The following ITFG1 variants were observed in gnomAD, a reference collection of about 807,000 sequenced individuals.
ITFG1 encodes the protein T-cell immunomodulatory protein.
A neutral mutation model predicts 81.8 loss-of-function variants in ITFG1; 34 were observed. That is an observed-to-expected ratio of 0.42 (90% confidence interval 0.32 to 0.55). The LOEUF is 0.55. Ranked by LOEUF, ITFG1 falls within the 20% of genes least tolerant of loss-of-function variation. The pLI, the probability that ITFG1 is intolerant of heterozygous loss-of-function variation, is 0.17. For missense variants in ITFG1, 672 were observed against 755.4 expected (o/e 0.89, Z 1.29); for synonymous variants, 285 against 270.6 (o/e 1.05, Z -0.52).
intron 13 of ITFG1, among the ~76,000 whole-genome samples, chr16:47,232,360 C>CT: frequency 6.6e-6 from 1 of 152,180 alleles, no homozygotes; most frequent in South Asian, 2.1e-4. Context: ...GGATTATTTT[C>CT]TTTTTTGAAG....
At chr16:47,424,618 T>G (rs1427179740) in intron 6 of ITFG1, among the ~76,000 whole-genome samples, 1 of 152,184 alleles carries the variant, frequency 6.6e-6, no homozygotes, top group African/African-American at 2.4e-5. Flanking sequence ...TGGGTTTTGG[T>G]GTGGATGTCC....
intron 10 of ITFG1, among the ~76,000 whole-genome samples, chr16:47,309,118 G>A (rs895772829): frequency 1.3e-5 from 2 of 150,424 alleles, no homozygotes; most frequent in Admixed American, 6.6e-5. Flanking sequence ...GCCCAGGCTG[G>A]AGTGCAATGC....
intron 14 of ITFG1, among the ~76,000 whole-genome samples, chr16:47,195,510 A>G (rs1020104982): frequency 6.6e-6 from 1 of 152,204 alleles, no homozygotes; most frequent in Non-Finnish European, 1.5e-5. Flanking sequence ...TTTTAGCTCA[A>G]TTAAGAATAA....
intron 10 of ITFG1, among the ~76,000 whole-genome samples, chr16:47,274,590 T>A (rs922918594): frequency 6.6e-6 from 1 of 152,178 alleles, no homozygotes; most frequent in Non-Finnish European, 1.5e-5. Context: ...AGTGACCCAA[T>A]TGAAGATTTA....
chr16:47,210,495 G>T (rs1335291827), intron 14 of ITFG1, among the ~76,000 whole-genome samples: 1 of 152,096 alleles, frequency 6.6e-6, no homozygotes, highest in Non-Finnish European at 1.5e-5. Flanking sequence ...TCTTATCAGG[G>T]TCTTTCACAG....
At chr16:47,223,260 C>T (rs927367029) in intron 13 of ITFG1, among the ~76,000 whole-genome samples, 2 of 152,104 alleles carry the variant, frequency 1.3e-5, no homozygotes, top group African/African-American at 4.8e-5. Flanking sequence ...CAAAGAGCTT[C>T]TGCACAGCAA....
chr16:47,184,848 G>C (rs1965189020), intron 14 of ITFG1, among the ~76,000 whole-genome samples: 1 of 152,150 alleles, frequency 6.6e-6, no homozygotes, highest in Non-Finnish European at 1.5e-5. Context: ...TGGATAAAGA[G>C]TCAAGACCCA....
At chr16:47,395,137 G>A (rs1346084475) in intron 6 of ITFG1, among the ~76,000 whole-genome samples, 2 of 151,982 alleles carry the variant, frequency 1.3e-5, no homozygotes, top group Non-Finnish European at 2.9e-5. Flanking sequence ...AGAACATTTA[G>A]TATTAATAGA....
chr16:47,269,036 A>C (rs1966308335), intron 10 of ITFG1, among the ~76,000 whole-genome samples: 1 of 152,192 alleles, frequency 6.6e-6, no homozygotes, highest in South Asian at 2.1e-4. Flanking sequence ...TCTACAGAAG[A>C]CCTACAGTGA....
chr16:47,296,351 A>G (rs1966981430), intron 10 of ITFG1, among the ~76,000 whole-genome samples: 1 of 151,948 alleles, frequency 6.6e-6, no homozygotes. Context: ...ATTCTGTTCA[A>G]AAAAATTTTA....
At chr16:47,425,342 C>T (rs1049412430) in intron 6 of ITFG1, among the ~76,000 whole-genome samples, 3 of 152,156 alleles carry the variant, frequency 2.0e-5, no homozygotes, top group Non-Finnish European at 2.9e-5. Flanking sequence ...TCTCCAGGTA[C>T]AGTCTGTCAC....
intron 6 of ITFG1, among the ~76,000 whole-genome samples, chr16:47,415,328 A>G (rs941012961): frequency 2.0e-5 from 3 of 152,072 alleles, no homozygotes; most frequent in Admixed American, 2.0e-4. Flanking sequence ...TATGCATGGA[A>G]GAGTGGGGTT....
At chr16:47,381,928 T>C (rs1013998573) in intron 6 of ITFG1, among the ~76,000 whole-genome samples, 8 of 152,140 alleles carry the variant, frequency 5.3e-5, no homozygotes, top group South Asian at 4.1e-4. Flanking sequence ...GATGATCAAA[T>C]AGTAAAAAGG....
intron 14 of ITFG1, among the ~76,000 whole-genome samples, chr16:47,201,782 A>G (rs1965427864): frequency 6.6e-6 from 1 of 152,226 alleles, no homozygotes. Context: ...GTTTTATACA[A>G]ATCTTAGCAG....
intron 8 of ITFG1, among the ~76,000 whole-genome samples, chr16:47,345,688 T>C (rs1317641740): frequency 6.6e-6 from 1 of 152,202 alleles, no homozygotes; most frequent in East Asian, 1.9e-4. Context: ...GGGCTGCAGG[T>C]TGGACAAGGT....
intron 1 of ITFG1, among the ~76,000 whole-genome samples, 158 bp downstream of exon 1, chr16:47,460,680 C>T (rs1395548103): frequency 6.6e-6 from 1 of 151,904 alleles, no homozygotes; most frequent in South Asian, 2.1e-4. Context: ...AAGGGTGGTG[C>T]AAAAGGACAA....
intron 10 of ITFG1, among the ~76,000 whole-genome samples, chr16:47,305,062 C>A (rs184333155): frequency 5.8e-4 from 88 of 152,202 alleles, no homozygotes; most frequent in Admixed American, 2.1e-3. Context: ...GTACTCAGTG[C>A]ACTTCATGGA....
chr16:47,400,149 C>T (rs1301118685), intron 6 of ITFG1, among the ~76,000 whole-genome samples: 7 of 152,194 alleles, frequency 4.6e-5, no homozygotes, highest in Non-Finnish European at 1.0e-4. Flanking sequence ...ACCCCAGAGC[C>T]TGCATTCTTA....
rs571054896 is a variant in ITFG1 at position 47,406,245 on chromosome 16, T to G, written c.655+22559A>C. Among the ~76,000 whole-genome samples, 6 of 152,342 alleles carry G rather than the reference T, an allele frequency of 3.9e-5. No homozygotes were observed. The South Asian group carries it at 1.2e-3, about 32-fold the overall frequency. On this transcript the variant is annotated intron_variant, in intron 6 of 17. Coordinates refer to ENST00000320640, the MANE Select transcript of ITFG1 (RefSeq NM_030790.5). ...TAAGGTTGGAGTGATTTAATTTGTA[T>G]TTTTAGAAAAGAAACAAAATTCTTG...
Sources: gnomAD v4.1 joint callset for allele counts (sites outside exome capture counted in the v4.1 genomes callset) on GRCh38, gnomAD v4.1.1 for gene constraint, MANE v1.5 for transcripts, NCBI Gene and HGNC (gene_info 2026-07-23, HGNC 2026-07-21) for gene names.